Variants in SCN9A observed in about 807,000 individuals in gnomAD.
The protein encoded by SCN9A is sodium voltage-gated channel alpha subunit 9, also known as sodium channel protein type 9 subunit alpha.
A neutral mutation model predicts 187.0 loss-of-function variants in SCN9A; 131 were observed. That is an observed-to-expected ratio of 0.70 (90% CI 0.61 to 0.81). The LOEUF (loss-of-function observed/expected upper bound fraction) is 0.81, where lower values mean the gene tolerates loss of function less well. Ranked by LOEUF, SCN9A falls within the 30% of genes least tolerant of loss-of-function variation. SCN9A has a pLI of 0.00. For synonymous variants in SCN9A, 809 were observed against 808.6 expected, an observed-to-expected ratio of 1.00 and a Z score of -0.01; for missense variants, 2,252 against 2,396.6, an observed-to-expected ratio of 0.94 and a Z score of 1.26.
intron 26 of SCN9A, 31 bp from the exon 27 acceptor site, chr2:166,199,895 ATATT>A (rs1384991131): frequency 6.3e-7 from 1 of 1,575,582 alleles, no homozygotes; most frequent in Non-Finnish European, 8.7e-7. Context: ...TAGAAATAAA[ATATT>A]TAAAGATGTA....
Position 166,251,821 on chromosome 2 carries a change from TCTC to T in SCN9A, c.3413_3415del (p.Gly1138del), listed in dbSNP as rs1418929911. ...ATTCATAGGTTCAGCCTCTGCTTCT[TCTC>T]CTTCTCCAGGCAAAGGGTTATCAAC... On this transcript the variant is annotated inframe_deletion, in exon 18 of 27. Coordinates refer to ENST00000642356, the MANE Select transcript of SCN9A (RefSeq NM_001365536.1). 1.8e-5 allele frequency: 29 copies of T among 1,612,688 alleles called. No homozygotes were observed. Among genetic ancestry groups the T allele is most frequent in the Non-Finnish European group, 2.3e-5 (27 of 1,179,122 alleles).
chr2:166,283,806 T>G (rs1001607171), intron 12 of SCN9A, among the ~76,000 whole-genome samples: 3 of 152,230 alleles, frequency 2.0e-5, no homozygotes, highest in Middle Eastern at 6.8e-3. Flanking sequence ...ATTGGAGAGA[T>G]AGCAGAGTGA....
chr2:166,303,508 C>T (rs1220848016), intron 6 of SCN9A, among the ~76,000 whole-genome samples: 1 of 152,000 alleles, frequency 6.6e-6, no homozygotes, highest in Non-Finnish European at 1.5e-5. Context: ...AACATATTCT[C>T]AAAGAATACC....
chr2:166,309,354 C>G (rs1236050235), intron 2 of SCN9A, among the ~76,000 whole-genome samples: 1 of 152,092 alleles, frequency 6.6e-6, no homozygotes, highest in Non-Finnish European at 1.5e-5. Context: ...GGTCTGCATA[C>G]ACATGAGAGT....
chr2:166,207,602 G>A (rs984303721), intron 24 of SCN9A, among the ~76,000 whole-genome samples: 2 of 151,948 alleles, frequency 1.3e-5, no homozygotes, highest in African/African-American at 4.8e-5. Flanking sequence ...CACCACATCA[G>A]GCTAATTTTT....
chr2:166,288,120 T>TACACACACAC (rs367909573), intron 10 of SCN9A, among the ~76,000 whole-genome samples: 2,044 of 135,492 alleles, frequency 0.015, 34 homozygotes, highest in Non-Finnish European at 0.018. Flanking sequence ...TATATATATA[T>TACACACACAC]ACACACACAT....
At chr2:166,327,332 T>C (rs1699389099) in intron 1 of SCN9A, among the ~76,000 whole-genome samples, 2 of 152,030 alleles carry the variant, frequency 1.3e-5, no homozygotes, top group South Asian at 2.1e-4. Context: ...TTTTAAAGCA[T>C]TTTTTGTAGA....
At chr2:166,363,465 C>T (rs1026097340) in intron 1 of SCN9A, among the ~76,000 whole-genome samples, 1 of 151,888 alleles carries the variant, frequency 6.6e-6, no homozygotes, top group African/African-American at 2.4e-5. Flanking sequence ...TATTCTTTCC[C>T]ATCAGGAATT....
In SCN9A at chr2:166,286,639, C is replaced by A. The variant is rs759551082; in HGVS notation, c.1315-16G>T. 3.3e-6 allele frequency: 5 copies of A among 1,503,540 alleles called. No homozygotes were observed. The highest frequency in any genetic ancestry group is 4.4e-6 in the Non-Finnish European group (5 of 1,131,862). The allele number at this position is 1,503,540 out of a possible 1,614,324, so 93.1% of individuals were successfully genotyped here. A position where few individuals can be genotyped will look rare whatever the true frequency, so the allele number is the denominator to read the frequency against. ...CTGCAATTGCCTGGTTGGGCCAAGACGTTAACACTTAAATGAGTCATTTCC... is the reference window on the plus strand; with the variant it reads ...CTGCAATTGCCTGGTTGGGCCAAGAAGTTAACACTTAAATGAGTCATTTCC... On this transcript the variant is annotated splice_polypyrimidine_tract_variant and intron_variant, in intron 10 of 26. Coordinates refer to ENST00000642356, the MANE Select transcript of SCN9A (RefSeq NM_001365536.1).
At position 166,303,097 on chromosome 2, in the gene SCN9A, G is replaced by A. The variant is rs1016539827; in HGVS notation, c.894C>T (p.Asp298=). The change falls in exon 7 of 27, where the codon GAC becomes GAT. Residue 298 remains aspartate, a synonymous_variant. Transcript: ENST00000642356. ...ATGCAAGGACATTCTTACTTCTAAAGTCTTCTTCACTCTCTAGGGTATTCA... is the reference window on the plus strand; with the variant it reads ...ATGCAAGGACATTCTTACTTCTAAAATCTTCTTCACTCTCTAGGGTATTCA... ...SIMNTLESEE[D]FRKYFYYLEG... 1.3e-6 allele frequency: 2 copies of A among 1,592,604 alleles called. No homozygotes were observed. Among genetic ancestry groups the A allele is most frequent in the Non-Finnish European group, 1.7e-6 (2 of 1,165,426 alleles).
chr2:166,321,007 A>G (rs572759437), intron 1 of SCN9A, among the ~76,000 whole-genome samples: 1 of 152,338 alleles, frequency 6.6e-6, no homozygotes, highest in South Asian at 2.1e-4. Context: ...TTTAAAAAGC[A>G]TAAAATACTA....
intron 1 of SCN9A, among the ~76,000 whole-genome samples, chr2:166,356,713 A>C (rs546790645): frequency 6.6e-6 from 1 of 152,294 alleles, no homozygotes; most frequent in Non-Finnish European, 1.5e-5. Context: ...CATGCAAATA[A>C]TACCCTATAT....
chr2:166,299,854 A>G (rs1254766202), intron 7 of SCN9A, among the ~76,000 whole-genome samples: 1 of 150,784 alleles, frequency 6.6e-6, no homozygotes, highest in Non-Finnish European at 1.5e-5. Flanking sequence ...ACCTTCCTCT[A>G]CAAATGTGTC....
At chr2:166,363,681 T>C (rs1049899586) in intron 1 of SCN9A, among the ~76,000 whole-genome samples, 1 of 151,996 alleles carries the variant, frequency 6.6e-6, no homozygotes, top group Admixed American at 6.6e-5. Context: ...ACGAATTATA[T>C]AGGAATTTTT....
chr2:166,307,272 T>C lies in SCN9A; in HGVS notation c.259-198A>G, dbSNP rs569247301. Among the ~76,000 whole-genome samples, 11 of 152,336 alleles carry C rather than the reference T, an allele frequency of 7.2e-5. No individual in the cohort carries two copies. The East Asian group carries it at 7.7e-4, about 11-fold the overall frequency. On this transcript the variant is annotated intron_variant, in intron 2 of 26. Coordinates refer to ENST00000642356, the MANE Select transcript of SCN9A (RefSeq NM_001365536.1). Reference sequence around the variant, plus strand: ...AATGAACTCCAAGTCCACTTCTTCATAGTAACTTTAAAAATTGAGCTATTT... The same window carrying C: ...AATGAACTCCAAGTCCACTTCTTCACAGTAACTTTAAAAATTGAGCTATTT...
chr2:166,353,428 C>T (rs1367349904), intron 1 of SCN9A, among the ~76,000 whole-genome samples: 1 of 152,110 alleles, frequency 6.6e-6, no homozygotes, highest in Non-Finnish European at 1.5e-5. Context: ...ACAGAATAAC[C>T]TGTCATGTCT....
At chr2:166,212,960 C>T (rs2106361865) in intron 24 of SCN9A, among the ~76,000 whole-genome samples, 1 of 152,002 alleles carries the variant, frequency 6.6e-6, no homozygotes, top group South Asian at 2.1e-4. Context: ...AGCACAATTT[C>T]CAAAATTTAT....
At chr2:166,281,089 C>T (rs1265255143) in intron 13 of SCN9A, among the ~76,000 whole-genome samples, 3 of 152,100 alleles carry the variant, frequency 2.0e-5, no homozygotes, top group Middle Eastern at 3.2e-3. Flanking sequence ...ACATTTCACA[C>T]CATTAGCCCA....
intron 1 of SCN9A, among the ~76,000 whole-genome samples, chr2:166,369,103 T>C (rs1360010956): frequency 2.0e-5 from 3 of 152,088 alleles, no homozygotes; most frequent in Admixed American, 1.3e-4. Context: ...CTAAAGTGGC[T>C]GTTTTGGAAA....
Sources: gnomAD v4.1 joint callset for allele counts (sites outside exome capture counted in the v4.1 genomes callset) on GRCh38, gnomAD v4.1.1 for gene constraint, MANE v1.5 for transcripts, NCBI Gene and HGNC (gene_info 2026-07-23, HGNC 2026-07-21) for gene names.